FBXO8: variants seen among roughly 807,000 people sequenced by gnomAD.
The protein encoded by FBXO8 is F-box protein 8.
A neutral mutation model predicts 33.4 loss-of-function variants in FBXO8; 15 were observed. That is an observed-to-expected ratio of 0.45 (90% CI 0.30 to 0.69). The LOEUF is 0.69. Among genes scored for constraint, FBXO8 ranks in the 30% least tolerant of loss-of-function variants. The pLI is 0.08. For synonymous variants in FBXO8, 132 were observed against 131.5 expected, an observed-to-expected ratio of 1.00 and a Z score of -0.02; for missense variants, 274 against 380.3, an observed-to-expected ratio of 0.72 and a Z score of 2.32.
rs547330456 is a variant in FBXO8 at position 174,252,653 on chromosome 4, GCACACACACA to G, written c.456+7036_456+7045del. On this transcript the variant is annotated intron_variant, in intron 3 of 5. Coordinates refer to ENST00000393674, the MANE Select transcript of FBXO8 (RefSeq NM_012180.3). This position sits in a 1 kb window ranked among gnomAD's most constrained non-coding sequence, Gnocchi z 5.1. Reference sequence around the variant, plus strand: ...CATGTACTTGTGCATGTGAGTGCATGCACACACACACACACACACACACGCACAGACAATA... The same window carrying G: ...CATGTACTTGTGCATGTGAGTGCATGCACACACACACACGCACAGACAATA... Among the ~76,000 whole-genome samples the G allele has an allele frequency of 1.6e-5, 2 of 127,904 alleles. No homozygotes were observed. The highest frequency in any genetic ancestry group is 3.8e-5 in the Non-Finnish European group (2 of 53,194). 83.9% of individuals were successfully genotyped at this position (127,904 alleles called of 152,430 possible).
chr4:174,250,149 G>A (rs1223789791), intron 3 of FBXO8, among the ~76,000 whole-genome samples: 1 of 151,934 alleles, frequency 6.6e-6, no homozygotes, highest in East Asian at 1.9e-4. Flanking sequence ...TATTATTACT[G>A]TCCCCATTTT....
At chr4:174,280,373 T>C (rs886471319) in intron 1 of FBXO8, among the ~76,000 whole-genome samples, 1 of 152,050 alleles carries the variant, frequency 6.6e-6, no homozygotes, top group African/African-American at 2.4e-5. Context: ...CCCTTATGTA[T>C]TGTTAATGTG....
chr4:174,259,776 G>T lies in FBXO8; in HGVS notation c.379C>A (p.Pro127Thr). 6.2e-7 allele frequency: 1 copy of T among 1,611,876 alleles called. No individual in the cohort carries two copies. The highest frequency in any genetic ancestry group is 8.5e-7 in the Non-Finnish European group (1 of 1,178,840). Residue 127 changes from proline (P) to threonine (T), a missense_variant, in exon 3 of 6, where the codon CCT becomes ACT. Pro to Thr is a conservative substitution (Grantham distance 38). Coordinates refer to ENST00000393674, the MANE Select transcript of FBXO8 (RefSeq NM_012180.3). This position sits in a 1 kb window ranked among gnomAD's most constrained non-coding sequence, Gnocchi z 4.3. ...GHCSIYNKNP[P>T]LGFSFRKLYM... ...AATTTTCTAAAAGAAAATCCTAAAG[G>T]TGGGTTCTTATTGTATATGGAACAG...
Position 174,255,034 on chromosome 4 carries a change from C to T in FBXO8, c.456+4665G>A, listed in dbSNP as rs964319779. On this transcript the variant is annotated intron_variant, in intron 3 of 5. Coordinates refer to ENST00000393674, the MANE Select transcript of FBXO8 (RefSeq NM_012180.3). The surrounding 1 kb of genome is among the most constrained non-coding windows in gnomAD (Gnocchi z 4.3). ...TAACATCCCCCTTGTTAGATAGTCACGATGTACATCAAAGTATTAACGGCT... is the reference window on the plus strand; with the variant it reads ...TAACATCCCCCTTGTTAGATAGTCATGATGTACATCAAAGTATTAACGGCT... 2.6e-5 allele frequency among the ~76,000 whole-genome samples: 4 copies of T among 152,082 alleles called. No individual in the cohort carries two copies. The highest frequency in any genetic ancestry group is 1.9e-4 in the East Asian group (1 of 5,194).
intron 1 of FBXO8, among the ~76,000 whole-genome samples, chr4:174,273,038 T>C (rs936556020): frequency 6.6e-6 from 1 of 152,176 alleles, no homozygotes; most frequent in Non-Finnish European, 1.5e-5. Context: ...TGGTGGCTCA[T>C]GCCTCTAATC....
In FBXO8 at chr4:174,270,146, T is replaced by A. The variant is rs1736803681; in HGVS notation, c.-8-7046A>T. Among the ~76,000 whole-genome samples, 2 of 152,228 alleles carry A rather than the reference T, an allele frequency of 1.3e-5. No homozygotes were observed. Among genetic ancestry groups the A allele is most frequent in the African/African-American group, 4.8e-5 (2 of 41,458 alleles). On this transcript the variant is annotated intron_variant, in intron 1 of 5. Transcript: ENST00000393674. This position sits in a 1 kb window ranked among gnomAD's most constrained non-coding sequence, Gnocchi z 4.6. ...CGACCTTGAACACTCAGTGGTATTGTGTATAAACATGCCACATTAGCCGAG... is the reference window on the plus strand; with the variant it reads ...CGACCTTGAACACTCAGTGGTATTGAGTATAAACATGCCACATTAGCCGAG...
At chr4:174,250,161 C>A (rs928358120) in intron 3 of FBXO8, among the ~76,000 whole-genome samples, 2 of 151,956 alleles carry the variant, frequency 1.3e-5, no homozygotes, top group African/African-American at 4.8e-5. Context: ...CCCCATTTTA[C>A]AGATGGGGAA....
chr4:174,278,346 AG>A lies in FBXO8; in HGVS notation c.-9+5063del, dbSNP rs1376092401. Among the ~76,000 whole-genome samples the A allele has an allele frequency of 3.3e-5, 5 of 152,100 alleles. No homozygotes were observed. Among genetic ancestry groups the A allele is most frequent in the Admixed American group, 2.0e-4 (3 of 15,272 alleles). On this transcript the variant is annotated intron_variant, in intron 1 of 5. Transcript: ENST00000393674. This position sits in a 1 kb window ranked among gnomAD's most constrained non-coding sequence, Gnocchi z 4.1. ...GGTTTTGGTTTTTTTTAATTCAAAA[AG>A]ATTTACAATATTACTTTGTTCCCTG...
chr4:174,260,037 T>C (rs936447267), intron 2 of FBXO8, among the ~76,000 whole-genome samples: 2 of 152,052 alleles, frequency 1.3e-5, no homozygotes, highest in African/African-American at 4.8e-5. Context: ...ATCTAATAAA[T>C]GTGAGTTATA....
rs569157597 is a variant in FBXO8 at position 174,271,076 on chromosome 4, A to G, written c.-8-7976T>C. Among the ~76,000 whole-genome samples, 229 of 152,332 alleles carry G rather than the reference A, an allele frequency of 1.5e-3. 1 individual carries two copies. Among genetic ancestry groups the G allele is most frequent in the Non-Finnish European group, 2.9e-3 (198 of 68,032 alleles). On this transcript the variant is annotated intron_variant, in intron 1 of 5. Transcript: ENST00000393674. Reference sequence around the variant, plus strand: ...GTTGTATTCTTGTAAGATGGAGCACATATATTTATCACCTCTCTCTCCCAT... The same window carrying G: ...GTTGTATTCTTGTAAGATGGAGCACGTATATTTATCACCTCTCTCTCCCAT...
chr4:174,240,364 A>T lies in FBXO8; in HGVS notation c.575+736T>A, dbSNP rs143882168. Among the ~76,000 whole-genome samples, 467 of 151,880 alleles carry T rather than the reference A, an allele frequency of 3.1e-3. 1 individual carries two copies. Among genetic ancestry groups the T allele is most frequent in the African/African-American group, 0.011 (442 of 41,528 alleles). ...TCTGGAATATAATGAATATTTACAGATTGCTGTTGAAAAATACTGATATAT... is the reference window on the plus strand; with the variant it reads ...TCTGGAATATAATGAATATTTACAGTTTGCTGTTGAAAAATACTGATATAT... On this transcript the variant is annotated intron_variant, in intron 4 of 5. Coordinates refer to ENST00000393674, the MANE Select transcript of FBXO8 (RefSeq NM_012180.3).
chr4:174,276,663 A>T (rs1035399043), intron 1 of FBXO8, among the ~76,000 whole-genome samples: 1 of 148,688 alleles, frequency 6.7e-6, no homozygotes. Context: ...GTTTTTAAAA[A>T]TTAATTTGTC....
rs956899812 is a variant in FBXO8, at chr4:174,275,596, G to T, written c.-9+7814C>A. Among the ~76,000 whole-genome samples the T allele has an allele frequency of 2.0e-5, 3 of 152,080 alleles. No individual in the cohort carries two copies. The highest frequency in any genetic ancestry group is 4.8e-5 in the African/African-American group (2 of 41,412). On this transcript the variant is annotated intron_variant, in intron 1 of 5. Transcript: ENST00000393674. This position sits in a 1 kb window ranked among gnomAD's most constrained non-coding sequence, Gnocchi z 4.4. ...AGGCAACTGCACATTTAAAGTGAAT[G>T]AATTTTATTGTATGTAAATGATACC...
At chr4:174,268,084 G>A (rs1736733011) in intron 1 of FBXO8, among the ~76,000 whole-genome samples, 1 of 152,076 alleles carries the variant, frequency 6.6e-6, no homozygotes, top group Non-Finnish European at 1.5e-5. Context: ...AAAGAAACAC[G>A]GTTGCTTCTT....
chr4:174,247,129 T>C lies in FBXO8; in HGVS notation c.457-5911A>G, dbSNP rs1357283391. 1.3e-5 allele frequency among the ~76,000 whole-genome samples: 2 copies of C among 152,136 alleles called. No individual in the cohort carries two copies. Among genetic ancestry groups the C allele is most frequent in the South Asian group, 4.1e-4 (2 of 4,826 alleles). On this transcript the variant is annotated intron_variant, in intron 3 of 5. Transcript: ENST00000393674. The surrounding 1 kb of genome is among the most constrained non-coding windows in gnomAD (Gnocchi z 4.6). ...AGAGTGAATTCTAGAAAATTAGACA[T>C]GCAAAGCCAAATGAAAAAGTACTGA... is the stretch of plus-strand genomic sequence containing the variant.
rs138769939 is a variant in FBXO8, at chr4:174,266,059, C to T, written c.-8-2959G>A. ...ATTTCAGTCTATTTTCCTACAGAATCTTTCTAGTGGCATATGGTTAAGCAG... is the reference window on the plus strand; with the variant it reads ...ATTTCAGTCTATTTTCCTACAGAATTTTTCTAGTGGCATATGGTTAAGCAG... On this transcript the variant is annotated intron_variant, in intron 1 of 5. Transcript: ENST00000393674. Among the ~76,000 whole-genome samples the T allele has an allele frequency of 3.6e-3, 551 of 152,242 alleles. 11 individuals carry two copies. The highest frequency in any genetic ancestry group is 0.033 in the Admixed American group (506 of 15,296).
intron 2 of FBXO8, among the ~76,000 whole-genome samples, chr4:174,260,150 C>T (rs893080421): frequency 6.6e-6 from 1 of 151,940 alleles, no homozygotes; most frequent in Non-Finnish European, 1.5e-5. Flanking sequence ...AGATGTCAGA[C>T]CCTATTTCAA....
chr4:174,268,563 A>G (rs1017827369), intron 1 of FBXO8, among the ~76,000 whole-genome samples: 1 of 151,900 alleles, frequency 6.6e-6, no homozygotes, highest in South Asian at 2.1e-4. Flanking sequence ...CAGCCTCCAG[A>G]GTGCTGGGAC....
At chr4:174,243,142 T>C (rs1736078654) in intron 3 of FBXO8, among the ~76,000 whole-genome samples, 1 of 151,542 alleles carries the variant, frequency 6.6e-6, no homozygotes, top group African/African-American at 2.4e-5. Context: ...GTAAACATCA[T>C]AAAAATACAC....
Sources: allele counts gnomAD v4.1 joint callset (sites outside exome capture counted in the v4.1 genomes callset), GRCh38; gene constraint gnomAD v4.1.1; non-coding constraint Gnocchi (gnomAD v3.1); transcripts MANE v1.5; gene names NCBI Gene and HGNC (gene_info 2026-07-23, HGNC 2026-07-21).